The following RIPOR1 variants were observed in gnomAD, a reference collection of about 807,000 sequenced individuals.
RIPOR1 encodes the protein rho family-interacting cell polarization regulator 1.
A neutral mutation model predicts 116.5 loss-of-function variants in RIPOR1; 58 were observed. The ratio of observed to expected loss-of-function variants is 0.50; its 90% CI spans 0.40 to 0.62. The LOEUF (loss-of-function observed/expected upper bound fraction) is 0.62. Among genes scored for constraint, RIPOR1 ranks in the 20% least tolerant of loss-of-function variants. The pLI is 0.00. For synonymous variants in RIPOR1, 605 were observed against 650.0 expected (o/e 0.93, Z 1.05); for missense variants, 1,372 against 1,586.2 (o/e 0.86, Z 2.29).
chr16:67,545,286 C>T lies in RIPOR1; in HGVS notation c.3032-90C>T, dbSNP rs1222058976. The stretch of plus-strand genomic sequence containing the variant: ...GATGGGTGGGGTTTGAACAGGGGGC[C>T]CCTGGACCTGAGCCTGGGATAGGAG... On this transcript the variant is annotated intron_variant, in intron 17 of 21. Transcript: ENST00000042381. This position sits in a 1 kb window ranked among gnomAD's most constrained non-coding sequence, Gnocchi z 4.8. The T allele has an allele frequency of 6.5e-7, 1 of 1,547,236 alleles. No individual in the cohort carries two copies. The highest frequency in any genetic ancestry group is 1.4e-5 in the African/African-American group (1 of 73,214).
Position 67,537,423 on chromosome 16 carries a change from G to A in RIPOR1, c.-23-1001G>A. ...GCCCCATCCAGGCGGGCTGAGTCAGGCGGCAGGAACTGGGCGGGGGGCGGC... is the reference window on the plus strand; with the variant it reads ...GCCCCATCCAGGCGGGCTGAGTCAGACGGCAGGAACTGGGCGGGGGGCGGC... On this transcript the variant is annotated intron_variant, in intron 1 of 21. Coordinates refer to ENST00000042381, the MANE Select transcript of RIPOR1 (RefSeq NM_024519.4). The surrounding 1 kb of genome is among the most constrained non-coding windows in gnomAD (Gnocchi z 4.6). The A allele has an allele frequency of 2.4e-6, 3 of 1,240,274 alleles. No homozygotes were observed. In the South Asian group the frequency reaches 1.0e-4, roughly 42 times the overall value. The allele number at this position is 1,240,274 out of a possible 1,614,324, so 76.8% of individuals were successfully genotyped here.
Position 67,540,310 on chromosome 16 carries a change from T to A in RIPOR1, c.578T>A (p.Leu193Gln). 1 of 1,614,144 alleles carries A rather than the reference T, an allele frequency of 6.2e-7. No individual in the cohort carries two copies. The highest frequency in any genetic ancestry group is 8.5e-7 in the Non-Finnish European group (1 of 1,180,008). The change falls in exon 8 of 22, where the codon CTG becomes CAG. Residue 193 changes from leucine to glutamine, a missense_variant. Physicochemically the swap from Leu to Gln is moderately radical, Grantham distance 113. Transcript: ENST00000042381. The surrounding 1 kb of genome is among the most constrained non-coding windows in gnomAD (Gnocchi z 4.7). ...GCCCCTCCCTCCCAGAGCATGTGTC[T>A]GCTGGAGAGCGAGCTGGAGGCACAG... Reference protein sequence around the residue: ...GHREYTESMCLLESELEAQLG... With the variant: ...GHREYTESMCQLESELEAQLG...
In RIPOR1 at chr16:67,541,468, G is replaced by T. The variant is rs373596153; in HGVS notation, c.840G>T (p.Val280=). The T allele has an allele frequency of 3.0e-5, 48 of 1,613,968 alleles. No homozygotes were observed. The African/African-American group carries it at 6.3e-4, about 21-fold the overall frequency. Residue 280 remains valine (V), a synonymous_variant, in exon 11 of 22, where the codon GTG becomes GTT. Transcript: ENST00000042381. This position sits in a 1 kb window ranked among gnomAD's most constrained non-coding sequence, Gnocchi z 4.6. The stretch of plus-strand genomic sequence containing the variant: ...AGGGCCTGGCCAACCATGTGGTTGT[G>T]GGCAGTGTCTCCTGTGAGACCAAGG... ...ELKGLANHVV[V]GSVSCETKDL...
chr16:67,535,062 C>T (rs144796813), intron 1 of RIPOR1, among the ~76,000 whole-genome samples: 4,985 of 152,032 alleles, frequency 0.033, 125 homozygotes, highest in South Asian at 0.059. Flanking sequence ...AAGCTGGTCT[C>T]GAACTCCTGA....
At chr16:67,535,677 C>T (rs559522359) in intron 1 of RIPOR1, among the ~76,000 whole-genome samples, 110 of 152,116 alleles carry the variant, frequency 7.2e-4, no homozygotes, top group Non-Finnish European at 1.4e-3. Context: ...CTCAAGGGGC[C>T]AGAGGTCTCA....
At position 67,531,922 on chromosome 16, in the gene RIPOR1, C is replaced by A. The variant is rs575114625; in HGVS notation, c.-24+3008C>A. Among the ~76,000 whole-genome samples, 4 of 152,124 alleles carry A rather than the reference C, an allele frequency of 2.6e-5. No individual in the cohort carries two copies. Among genetic ancestry groups the A allele is most frequent in the Non-Finnish European group, 4.4e-5 (3 of 68,014 alleles). The stretch of plus-strand genomic sequence containing the variant: ...TGTTTTGTTTTTTGAGACAGAGTCT[C>A]GCTCTGTCGCCCAGGCTGGAGTGTA... On this transcript the variant is annotated intron_variant, in intron 1 of 21. Coordinates refer to ENST00000042381, the MANE Select transcript of RIPOR1 (RefSeq NM_024519.4). The surrounding 1 kb of genome is among the most constrained non-coding windows in gnomAD (Gnocchi z 4.2).
intron 1 of RIPOR1, among the ~76,000 whole-genome samples, chr16:67,535,141 C>T (rs1002794475): frequency 3.3e-5 from 5 of 152,272 alleles, no homozygotes; most frequent in Middle Eastern, 3.4e-3. Context: ...CCACACCCAG[C>T]CCGTTTTTAT....
chr16:67,520,295 C>A (rs190425216), intron 1 of RIPOR1, among the ~76,000 whole-genome samples: 1 of 149,600 alleles, frequency 6.7e-6, no homozygotes, highest in East Asian at 2.0e-4. Context: ...GTGGGAGGAT[C>A]ACTTGAGCCT....
At position 67,537,642 on chromosome 16, in the gene RIPOR1, G is replaced by C; in HGVS notation, c.-23-782G>C. ...TGCGAAAGCTCAGGGACTGGCCCCA[G>C]GGGAAGCAGGCCGGGTTTGGGGGCC... On this transcript the variant is annotated intron_variant, in intron 1 of 21. Coordinates refer to ENST00000042381, the MANE Select transcript of RIPOR1 (RefSeq NM_024519.4). This position sits in a 1 kb window ranked among gnomAD's most constrained non-coding sequence, Gnocchi z 4.6. 1 of 1,306,352 alleles carries C rather than the reference G, an allele frequency of 7.7e-7. No individual in the cohort carries two copies. The highest frequency in any genetic ancestry group is 9.9e-7 in the Non-Finnish European group (1 of 1,006,132). 80.9% of individuals were successfully genotyped at this position (1,306,352 alleles called of 1,614,324 possible).
At chr16:67,526,117 G>A (rs2050537629), upstream of RIPOR1, among the ~76,000 whole-genome samples, 1 of 152,230 alleles carries the variant, frequency 6.6e-6, no homozygotes, top group Non-Finnish European at 1.5e-5. Flanking sequence ...TGCCTGGTCT[G>A]GTGGTCACAG....
At chr16:67,518,836 G>A (rs541310003) in intron 1 of RIPOR1, among the ~76,000 whole-genome samples, 2 of 152,352 alleles carry the variant, frequency 1.3e-5, no homozygotes, top group South Asian at 4.1e-4. Context: ...GGCAGACAAG[G>A]GCAGAGAAGG....
Position 67,529,846 on chromosome 16 carries a change from A to G in RIPOR1, c.-24+932A>G. On this transcript the variant is annotated intron_variant, in intron 1 of 21. Transcript: ENST00000042381. The surrounding 1 kb of genome is among the most constrained non-coding windows in gnomAD (Gnocchi z 4.1). ...TTATGACCATCTGGCAGATGCAGAAACAGGCCCAGAGAGGTTAGTAGTATT... is the reference window on the plus strand; with the variant it reads ...TTATGACCATCTGGCAGATGCAGAAGCAGGCCCAGAGAGGTTAGTAGTATT... 1 of 1,533,104 alleles carries G rather than the reference A, an allele frequency of 6.5e-7. No homozygotes were observed. Among genetic ancestry groups the G allele is most frequent in the Non-Finnish European group, 8.7e-7 (1 of 1,144,142 alleles). The allele number at this position is 1,533,104 out of a possible 1,614,324, so 95.0% of individuals were successfully genotyped here.
At chr16:67,546,318 G>A in intron 21 of RIPOR1, 48 bp from the exon 22 acceptor site, 15 of 1,608,166 alleles carry the variant, frequency 9.3e-6, no homozygotes, top group Non-Finnish European at 1.2e-5. Flanking sequence ...GGGTGGGAGA[G>A]TGGGATGGGG....
Position 67,543,020 on chromosome 16 carries a change from C to T in RIPOR1, c.2234C>T (p.Ser745Leu), listed in dbSNP as rs1017029186. The change falls in exon 13 of 22, where the codon TCA (serine) becomes TTA (leucine). Residue 745 changes from serine to leucine, a missense_variant. This residue lies in a region of RIPOR1 where 1,005 missense variants were observed against 1,144.7 expected (regional missense o/e 0.88). Transcript: ENST00000042381. This position sits in a 1 kb window ranked among gnomAD's most constrained non-coding sequence, Gnocchi z 4.7. Reference protein sequence around the residue: ...KPLTSPAPDPSESTVQSLSPT... With the variant: ...KPLTSPAPDPLESTVQSLSPT... ...CTCACAAGCCCTGCCCCAGATCCCT[C>T]AGAGTCTACGGTTCAGAGTCTAAGC... The T allele has an allele frequency of 3.2e-6, 5 of 1,555,548 alleles. No individual in the cohort carries two copies. The highest frequency in any genetic ancestry group is 2.7e-5 in the African/African-American group (2 of 72,956).
upstream of RIPOR1, among the ~76,000 whole-genome samples, chr16:67,526,709 G>A (rs1194667140): frequency 6.6e-6 from 1 of 152,246 alleles, no homozygotes; most frequent in Non-Finnish European, 1.5e-5. Context: ...AGCACACATG[G>A]TGTGCACACT....
chr16:67,526,624 T>A (rs1384195930), upstream of RIPOR1, among the ~76,000 whole-genome samples: 1 of 152,226 alleles, frequency 6.6e-6, no homozygotes, highest in Non-Finnish European at 1.5e-5. Context: ...CCAGGCACCT[T>A]GATGATAAGG....
chr16:67,544,229 A>G lies in RIPOR1; in HGVS notation c.2601-70A>G, dbSNP rs2051090754. 1 of 1,531,116 alleles carries G rather than the reference A, an allele frequency of 6.5e-7. No homozygotes were observed. The highest frequency in any genetic ancestry group is 1.4e-5 in the African/African-American group (1 of 72,522). The allele number at this position is 1,531,116 out of a possible 1,614,324, so 94.8% of individuals were successfully genotyped here. ...TCCTTTCTGGCATGGGGGAAGCTTA[A>G]TAAAAATAAACGCTGGTGACCAGGT... On this transcript the variant is annotated intron_variant, in intron 14 of 21. Transcript: ENST00000042381. The surrounding 1 kb of genome is among the most constrained non-coding windows in gnomAD (Gnocchi z 5.1).
rs2051074448 is a variant in RIPOR1 at position 67,543,679 on chromosome 16, CGT to C, written c.2600+215_2600+216del. Reference sequence around the variant, plus strand: ...CTTCATGCCCATGTCTCCAACCCTACGTGTGTCCCCAGTGCTTCTGACCGCCC... The same window carrying C: ...CTTCATGCCCATGTCTCCAACCCTACGTGTCCCCAGTGCTTCTGACCGCCC... On this transcript the variant is annotated intron_variant, in intron 14 of 21. Transcript: ENST00000042381. The surrounding 1 kb of genome is among the most constrained non-coding windows in gnomAD (Gnocchi z 4.7). 3 of 652,600 alleles carry C rather than the reference CGT, an allele frequency of 4.6e-6. No homozygotes were observed. The highest frequency in any genetic ancestry group is 1.8e-5 in the African/African-American group (1 of 55,204). The allele number at this position is 652,600 out of a possible 1,614,324, so 40.4% of individuals were successfully genotyped here.
At position 67,538,539 on chromosome 16, in the gene RIPOR1, G is replaced by GC; in HGVS notation, c.94dup (p.Arg32ProfsTer86). 1 of 1,612,188 alleles carries GC rather than the reference G, an allele frequency of 6.2e-7. No individual in the cohort carries two copies. The highest frequency in any genetic ancestry group is 1.1e-5 in the South Asian group (1 of 91,002). ...TCGCAGGCGTCCTCGGCAGCCACGA[G>GC]CGGGGGCCCAGGTACGCGGCCGCGC... On this transcript the variant is annotated frameshift_variant, in exon 2 of 22. Transcript: ENST00000042381. LOFTEE classifies it high-confidence loss of function.
Sources: allele counts gnomAD v4.1 joint callset (sites outside exome capture counted in the v4.1 genomes callset), GRCh38; gene constraint gnomAD v4.1.1; regional missense constraint gnomAD v4.1.1; non-coding constraint Gnocchi (gnomAD v3.1); transcripts MANE v1.5; gene names NCBI Gene and HGNC (gene_info 2026-07-23, HGNC 2026-07-21).